GSE1: variants seen among roughly 807,000 people sequenced by gnomAD.
The protein encoded by GSE1 is genetic suppressor element 1.
Under a neutral mutation model 112.6 loss-of-function variants are expected in GSE1, and 32 were observed. The observed-to-expected ratio is 0.28, with a 90% CI of 0.21 to 0.38. The LOEUF is 0.38. Ranked by LOEUF, GSE1 falls within the 10% of genes least tolerant of loss-of-function variation. The pLI is 1.00. For synonymous variants in GSE1, 1,115 were observed against 735.6 expected, an observed-to-expected ratio of 1.52 and a Z score of -8.35; for missense variants, 2,348 against 1,699.2, an observed-to-expected ratio of 1.38 and a Z score of -6.71.
upstream of GSE1, among the ~76,000 whole-genome samples, chr16:85,552,876 T>A (rs1023082339): frequency 6.6e-6 from 1 of 152,252 alleles, no homozygotes; most frequent in African/African-American, 2.4e-5. Flanking sequence ...TGTACAGCTA[T>A]TGTGTAATGA....
At chr16:85,637,509 C>G (rs61737923) in intron 2 of GSE1, among the ~76,000 whole-genome samples, 1 of 151,160 alleles carries the variant, frequency 6.6e-6, no homozygotes, top group Non-Finnish European at 1.5e-5. Flanking sequence ...CCCCCTTGAT[C>G]GCGGCAGTGG....
chr16:85,377,607 GC>G (rs1192315244), intron 2 of GSE1, among the ~76,000 whole-genome samples: 1 of 152,228 alleles, frequency 6.6e-6, no homozygotes, highest in Non-Finnish European at 1.5e-5. Context: ...GCAAGCGTAA[GC>G]AGCAGTTCTC....
intron 1 of GSE1, among the ~76,000 whole-genome samples, chr16:85,267,542 G>A (rs892759842): frequency 2.0e-5 from 3 of 152,122 alleles, no homozygotes; most frequent in African/African-American, 7.2e-5. Context: ...ACGCTCCTTA[G>A]CCACCCCCTG....
intron 1 of GSE1, among the ~76,000 whole-genome samples, chr16:85,342,594 C>A (rs556231594): frequency 1.7e-4 from 26 of 152,304 alleles, no homozygotes; most frequent in East Asian, 1.2e-3. Flanking sequence ...CCTCAGAGCG[C>A]ATGTGTTGAG....
intron 2 of GSE1, among the ~76,000 whole-genome samples, chr16:85,636,905 C>A (rs1002836140): frequency 6.7e-6 from 1 of 150,374 alleles, no homozygotes; most frequent in Admixed American, 7.1e-5. Context: ...ACATGTGGAC[C>A]CCCCAGCTCC....
chr16:85,651,287 C>T (rs116212790), intron 3 of GSE1, among the ~76,000 whole-genome samples: 4,596 of 151,976 alleles, frequency 0.03, 131 homozygotes, highest in South Asian at 0.066. Context: ...TGCCTCACTC[C>T]AGGCCCCGCT....
chr16:85,188,323 T>C (rs554977419), intron 1 of GSE1, among the ~76,000 whole-genome samples: 1 of 152,366 alleles, frequency 6.6e-6, no homozygotes, highest in East Asian at 1.9e-4. Flanking sequence ...CAGTAGAGTG[T>C]GTGTCACAGG....
At chr16:85,380,276 C>G (rs951515147) in intron 2 of GSE1, among the ~76,000 whole-genome samples, 1 of 152,114 alleles carries the variant, frequency 6.6e-6, no homozygotes, top group African/African-American at 2.4e-5. Context: ...TTGAAAGATT[C>G]CAGGACGCAA....
chr16:85,501,204 G>A (rs1054017821), intron 2 of GSE1, among the ~76,000 whole-genome samples: 10 of 151,442 alleles, frequency 6.6e-5, no homozygotes, highest in South Asian at 4.2e-4. Context: ...GGCTTTCACC[G>A]TGTTAGCCAG....
intron 1 of GSE1, among the ~76,000 whole-genome samples, chr16:85,602,662 T>A (rs2047518412): frequency 6.6e-6 from 1 of 152,144 alleles, no homozygotes; most frequent in Non-Finnish European, 1.5e-5. Context: ...TCTGAGCCAG[T>A]GGATGGACCA....
chr16:85,407,705 C>T (rs566897725), intron 2 of GSE1, among the ~76,000 whole-genome samples: 2 of 21,542 alleles, frequency 9.3e-5, no homozygotes, highest in African/African-American at 2.6e-4. Flanking sequence ...CAGGGCCCCC[C>T]GGATAATCCT....
intron 2 of GSE1, among the ~76,000 whole-genome samples, chr16:85,461,956 G>A (rs1399700843): frequency 6.6e-6 from 1 of 152,216 alleles, no homozygotes; most frequent in African/African-American, 2.4e-5. Flanking sequence ...GATTTAGTAG[G>A]CGGTGGAGGA....
chr16:85,531,087 G>A (rs573006107), intron 2 of GSE1, among the ~76,000 whole-genome samples: 4 of 152,240 alleles, frequency 2.6e-5, no homozygotes, highest in African/African-American at 7.2e-5. Context: ...GGCTTCGTTC[G>A]GTTGCCCGGA....
At chr16:85,242,808 AAATT>A (rs1261057046) in intron 1 of GSE1, among the ~76,000 whole-genome samples, 3 of 152,068 alleles carry the variant, frequency 2.0e-5, no homozygotes, top group South Asian at 2.1e-4. Context: ...TAATTAAATT[AAATT>A]AATTAATTTA....
At chr16:85,422,376 G>GA (rs1432021025) in intron 2 of GSE1, among the ~76,000 whole-genome samples, 2 of 152,142 alleles carry the variant, frequency 1.3e-5, no homozygotes, top group Non-Finnish European at 2.9e-5. Context: ...GGGCGGGGGG[G>GA]GGTGCCCCTG....
intron 2 of GSE1, among the ~76,000 whole-genome samples, chr16:85,440,739 G>A (rs1045699745): frequency 1.3e-5 from 2 of 152,216 alleles, no homozygotes; most frequent in African/African-American, 2.4e-5. Context: ...GGGGCACAGC[G>A]CGGCCTGGAA....
intron 1 of GSE1, among the ~76,000 whole-genome samples, chr16:85,294,661 C>CTCTCTG (rs1567669656): frequency 4.3e-5 from 5 of 116,038 alleles, no homozygotes; most frequent in African/African-American, 1.6e-4. Context: ...CTCTCTCTGT[C>CTCTCTG]TCTCTCTCTC....
At position 85,408,525 on chromosome 16, in the gene GSE1, G is replaced by C. The variant is rs542338080; in HGVS notation, c.2464+50882G>C. On this transcript the variant is annotated intron_variant, in intron 2 of 2. Coordinates refer to the GSE1 transcript ENST00000637419. Reference sequence around the variant, plus strand: ...CCTCACTGTTACACTCAGGCCCCCTGGATAATCCTCACTGTTACACTCAGG... The same window carrying C: ...CCTCACTGTTACACTCAGGCCCCCTCGATAATCCTCACTGTTACACTCAGG... Among the ~76,000 whole-genome samples, 224 of 39,122 alleles carry C rather than the reference G, an allele frequency of 5.7e-3. 4 individuals are homozygous for C. Among genetic ancestry groups the C allele is most frequent in the Middle Eastern group, 0.019 (1 of 52 alleles). The allele number at this position is 39,122 out of a possible 152,430, so 25.7% of individuals were successfully genotyped here.
intron 2 of GSE1, among the ~76,000 whole-genome samples, chr16:85,498,587 A>T (rs1370114326): frequency 6.6e-6 from 1 of 152,130 alleles, no homozygotes; most frequent in Non-Finnish European, 1.5e-5. Context: ...TTACATATAT[A>T]TAAACACATG....
Sources: gnomAD v4.1 joint callset for allele counts (sites outside exome capture counted in the v4.1 genomes callset) on GRCh38, gnomAD v4.1.1 for gene constraint, MANE v1.5 for transcripts, NCBI Gene and HGNC (gene_info 2026-07-23, HGNC 2026-07-21) for gene names.